The following PDIA2 variants were observed in gnomAD, a reference collection of about 807,000 sequenced individuals.
PDIA2 encodes protein disulfide-isomerase A2.
In PDIA2, 76 loss-of-function variants were observed where a neutral mutation model predicts 51.1. That is an observed-to-expected ratio of 1.49 (90% CI 1.24 to 1.80). The LOEUF is 1.80. PDIA2 is among the 40% of genes most tolerant of loss of function. The probability of loss-of-function intolerance (pLI) is 0.00; values close to 1 mark genes in which losing one functional copy is unlikely to be tolerated. For synonymous variants in PDIA2, 429 were observed against 309.9 expected (o/e 1.38, Z -4.04); for missense variants, 946 against 706.5 (o/e 1.34, Z -3.84).
intron 1 of PDIA2, among the ~76,000 whole-genome samples, chr16:283,730 T>C (rs1289193338): frequency 1.3e-5 from 2 of 152,056 alleles, no homozygotes; most frequent in African/African-American, 4.8e-5. Flanking sequence ...CCCATGGAGG[T>C]CCCTGACGTG....
At position 286,827 on chromosome 16, in the gene PDIA2, C is replaced by T. The variant is rs763144651; in HGVS notation, c.1423-8C>T. On this transcript the variant is annotated splice_region_variant and splice_polypyrimidine_tract_variant and intron_variant, in intron 9 of 10. Coordinates refer to ENST00000219406, the MANE Select transcript of PDIA2 (RefSeq NM_006849.4). Reference sequence around the variant, plus strand: ...ACGTGTCCTCCAGATCCCCCTGCCTCTTCTCAGGTGATTGAATACAAAAGC... The same window carrying T: ...ACGTGTCCTCCAGATCCCCCTGCCTTTTCTCAGGTGATTGAATACAAAAGC... 1.9e-6 allele frequency: 3 copies of T among 1,611,078 alleles called. No individual in the cohort carries two copies. The highest frequency in any genetic ancestry group is 2.2e-5 in the East Asian group (1 of 44,840).
rs1010268909 is a variant in PDIA2, at chr16:283,825, C to T, written c.199+457C>T. Among the ~76,000 whole-genome samples the T allele has an allele frequency of 2.6e-5, 4 of 152,136 alleles. No individual in the cohort carries two copies. In the East Asian group the frequency reaches 5.8e-4, roughly 22 times the overall value. On this transcript the variant is annotated intron_variant, in intron 1 of 10. Transcript: ENST00000219406. Reference sequence around the variant, plus strand: ...GCCTTCACAGGCAGCCACATGGGCCCGGGAGCCCCAGCCATACAAGGCACG... The same window carrying T: ...GCCTTCACAGGCAGCCACATGGGCCTGGGAGCCCCAGCCATACAAGGCACG...
In PDIA2 at chr16:285,497, C is replaced by G; in HGVS notation, c.922-9C>G. On this transcript the variant is annotated splice_polypyrimidine_tract_variant and intron_variant, in intron 6 of 10. Coordinates refer to ENST00000219406, the MANE Select transcript of PDIA2 (RefSeq NM_006849.4). ...AGTGGCCGGTGCCAGCATGGACTCC[C>G]TGCCACAGGTGCTGTTCGTGGTGGT... 6.2e-7 allele frequency: 1 copy of G among 1,612,698 alleles called. No individual in the cohort carries two copies. The highest frequency in any genetic ancestry group is 8.5e-7 in the Non-Finnish European group (1 of 1,179,872).
At chr16:284,824 G>A (rs1293883092) in intron 3 of PDIA2, 32 bp downstream of exon 3, 5 of 1,597,742 alleles carry the variant, frequency 3.1e-6, no homozygotes, top group Non-Finnish European at 4.3e-6. Context: ...GCCGGGCCAT[G>A]AGGGCAGTGA....
intron 1 of PDIA2, 123 bp from the exon 2 acceptor site, chr16:284,264 T>TGTCCCTGG: frequency 5.0e-6 from 5 of 1,005,750 alleles, no homozygotes; most frequent in Non-Finnish European, 7.4e-6. Flanking sequence ...GTGCTCGGCT[T>TGTCCCTGG]GTCCACGGCC....
rs1042340443 is a variant in PDIA2, at chr16:286,542, C to T, written c.1241-12C>T. ...CTGCCCAGATGGCTGTGCTCAACGG[C>T]TCCCATCCTAGATGCCCCGTGGTGC... On this transcript the variant is annotated splice_polypyrimidine_tract_variant and intron_variant, in intron 8 of 10. Transcript: ENST00000219406. The T allele has an allele frequency of 1.9e-6, 3 of 1,612,558 alleles. No homozygotes were observed. Among genetic ancestry groups the T allele is most frequent in the East Asian group, 2.2e-5 (1 of 44,780 alleles).
intron 10 of PDIA2, 32 bp downstream of exon 10, chr16:286,977 C>T: frequency 6.2e-7 from 1 of 1,609,762 alleles, no homozygotes; most frequent in Non-Finnish European, 8.5e-7. Context: ...CTCCAGGCCT[C>T]TGCACAAATC....
intron 7 of PDIA2, among the ~76,000 whole-genome samples, chr16:285,925 TCCCAAC>T (rs371090480): frequency 0.011 from 258 of 23,188 alleles, 2 homozygotes; most frequent in African/African-American, 0.05. Flanking sequence ...CCCGCGGTTC[TCCCAAC>T]CCCAACCCCA....
At position 286,917 on chromosome 16, in the gene PDIA2, C is replaced by A; in HGVS notation, c.1505C>A (p.Pro502His). ...DNGGVLPTEE[P>H]PEEPAAPFPE... ...GGGGGCGTGCTGCCCACGGAGGAGCCCCCGGAGGAGCCAGCAGCCCCGTTC... is the reference window on the plus strand; with the variant it reads ...GGGGGCGTGCTGCCCACGGAGGAGCACCCGGAGGAGCCAGCAGCCCCGTTC... Residue 502 changes from proline to histidine, a missense_variant, in exon 10 of 11, where the codon CCC (proline) becomes CAC (histidine). Physicochemically the swap from Pro to His is moderately conservative, Grantham distance 77. Transcript: ENST00000219406. The A allele has an allele frequency of 3.1e-6, 5 of 1,600,040 alleles. No homozygotes were observed. Among genetic ancestry groups the A allele is most frequent in the Non-Finnish European group, 4.3e-6 (5 of 1,175,084 alleles).
chr16:287,193 TAA>T lies in PDIA2; in HGVS notation c.*82_*83del, dbSNP rs914733168. 1.1e-4 allele frequency: 168 copies of T among 1,567,946 alleles called. No homozygotes were observed. Among genetic ancestry groups the T allele is most frequent in the Non-Finnish European group, 2.0e-5 (23 of 1,142,170 alleles). ...ACCAGAGGGAGCTGTGCATTGTGAA[TAA>T]AGAGTGAGCTTGGTTCTGGACTCTG... On this transcript the variant is annotated 3_prime_UTR_variant, in exon 11 of 11. Transcript: ENST00000219406.
At position 285,501 on chromosome 16, in the gene PDIA2, C is replaced by T. The variant is rs1165817257; in HGVS notation, c.922-5C>T. ...GCCGGTGCCAGCATGGACTCCCTGC[C>T]ACAGGTGCTGTTCGTGGTGGTGGAC... On this transcript the variant is annotated splice_polypyrimidine_tract_variant and splice_region_variant and intron_variant, in intron 6 of 10. Coordinates refer to ENST00000219406, the MANE Select transcript of PDIA2 (RefSeq NM_006849.4). 6 of 1,612,550 alleles carry T rather than the reference C, an allele frequency of 3.7e-6. No individual in the cohort carries two copies. Among genetic ancestry groups the T allele is most frequent in the South Asian group, 1.1e-5 (1 of 91,054 alleles).
chr16:285,095 G>T lies in PDIA2; in HGVS notation c.690G>T (p.Gly230=), dbSNP rs202013146. 1 of 1,613,032 alleles carries T rather than the reference G, an allele frequency of 6.2e-7. No individual in the cohort carries two copies. Among genetic ancestry groups the T allele is most frequent in the East Asian group, 2.2e-5 (1 of 44,882 alleles). ...TVVLFKKFDE[G]RADFPVDEEL... ...CTGCTGCTGTCCAGTTTGATGAGGG[G>T]CGGGCAGACTTCCCCGTGGACGAGG... The change falls in exon 5 of 11, where the codon GGG becomes GGT. Residue 230 remains glycine, a synonymous_variant. Coordinates refer to ENST00000219406, the MANE Select transcript of PDIA2 (RefSeq NM_006849.4).
rs749965703 is a variant in PDIA2 at position 284,578 on chromosome 16, C to T, written c.391C>T (p.Pro131Ser). 17 of 1,612,252 alleles carry T rather than the reference C, an allele frequency of 1.1e-5. No homozygotes were observed. In the South Asian group the frequency reaches 1.9e-4, roughly 18 times the overall value. Residue 131 changes from proline (P) to serine (S), a missense_variant, in exon 2 of 11, where the codon CCG (proline) becomes TCG (serine). Physicochemically the swap from Pro to Ser is moderately conservative, Grantham distance 74 (BLOSUM62 -1). Coordinates refer to ENST00000219406, the MANE Select transcript of PDIA2 (RefSeq NM_006849.4). ...KFFRNGNRTH[P>S]EEYTGPRDAE... ...CTTCCGCAATGGGAACCGCACGCAC[C>T]CGGAGGAGTACACAGGTGAGGGGCA...
chr16:287,027 G>C, intron 10 of PDIA2, 42 bp from the exon 11 acceptor site: 1 of 1,612,692 alleles, frequency 6.2e-7, no homozygotes, highest in East Asian at 2.2e-5. Flanking sequence ...GCAGGGGTAG[G>C]CTGGGAGCAG....
In PDIA2 at chr16:284,815, C is replaced by T. The variant is rs549645889; in HGVS notation, c.540+23C>T. 3.3e-5 allele frequency: 53 copies of T among 1,589,226 alleles called. 1 individual carries two copies. The highest frequency in any genetic ancestry group is 1.7e-4 in the Admixed American group (10 of 58,528). ...CAGGTGAGCCACTGGGCATGGGGGGCCGGGCCATGAGGGCAGTGACTGTGG... is the reference window on the plus strand; with the variant it reads ...CAGGTGAGCCACTGGGCATGGGGGGTCGGGCCATGAGGGCAGTGACTGTGG... On this transcript the variant is annotated intron_variant, in intron 3 of 10. Transcript: ENST00000219406.
At position 286,181 on chromosome 16, in the gene PDIA2, C is replaced by G. The variant is rs1322416776; in HGVS notation, c.1120-172C>G. Among the ~76,000 whole-genome samples, 216 of 34,926 alleles carry G rather than the reference C, an allele frequency of 6.2e-3. 4 individuals carry two copies. Among genetic ancestry groups the G allele is most frequent in the Non-Finnish European group, 0.011 (173 of 15,800 alleles). The allele number at this position is 34,926 out of a possible 152,430, so 22.9% of individuals were successfully genotyped here. On this transcript the variant is annotated intron_variant, in intron 7 of 10. Coordinates refer to ENST00000219406, the MANE Select transcript of PDIA2 (RefSeq NM_006849.4). ...TCAGGCCCTGCAGAGGATCTCCCCC[C>G]CACCTGCCCCCGGCCCCGCACAGGA...
At position 286,863 on chromosome 16, in the gene PDIA2, T is replaced by G. The variant is rs753512209; in HGVS notation, c.1451T>G (p.Leu484Arg). 1.2e-6 allele frequency: 2 copies of G among 1,608,576 alleles called. No homozygotes were observed. The highest frequency in any genetic ancestry group is 8.5e-7 in the Non-Finnish European group (1 of 1,178,392). ...KVIEYKSTRDLETFSKFLDNG... is the reference protein window; with the variant it reads ...KVIEYKSTRDRETFSKFLDNG... ...ATTGAATACAAAAGCACCAGGGACC[T>G]GGAGACTTTCTCCAAGTTCCTGGAC... The change falls in exon 10 of 11, where the codon CTG becomes CGG. Residue 484 changes from leucine (L) to arginine (R), a missense_variant. Physicochemically the swap from Leu to Arg is moderately radical, Grantham distance 102. Transcript: ENST00000219406.
rs751841084 is a variant in PDIA2, at chr16:284,792, G to A, written c.540G>A (p.Gln180=). 3.8e-6 allele frequency: 6 copies of A among 1,575,554 alleles called. No individual in the cohort carries two copies. The highest frequency in any genetic ancestry group is 2.6e-6 in the Non-Finnish European group (3 of 1,163,858). Residue 180 remains glutamine (Q), a splice_region_variant and synonymous_variant, in exon 3 of 11, where the codon CAG becomes CAA. Coordinates refer to ENST00000219406, the MANE Select transcript of PDIA2 (RefSeq NM_006849.4). ...GRDLVVIGFF[Q]DLQDEDVATF... is the part of the protein sequence containing the mutation. Reference sequence around the variant, plus strand: ...ACCTAGTGGTCATTGGCTTCTTCCAGGTGAGCCACTGGGCATGGGGGGCCG... The same window carrying A: ...ACCTAGTGGTCATTGGCTTCTTCCAAGTGAGCCACTGGGCATGGGGGGCCG...
Position 285,506 on chromosome 16 carries a change from G to T in PDIA2, c.922G>T (p.Val308Leu), listed in dbSNP as rs1409374785. 6.2e-7 allele frequency: 1 copy of T among 1,612,872 alleles called. No individual in the cohort carries two copies. Among genetic ancestry groups the T allele is most frequent in the East Asian group, 2.2e-5 (1 of 44,882 alleles). The change falls in exon 7 of 11, where the codon GTG (valine) becomes TTG (leucine). Residue 308 changes from valine (V) to leucine (L), a missense_variant and splice_region_variant. Val to Leu is a conservative substitution (Grantham distance 32). Coordinates refer to ENST00000219406, the MANE Select transcript of PDIA2 (RefSeq NM_006849.4). ...TGCCAGCATGGACTCCCTGCCACAG[G>T]TGCTGTTCGTGGTGGTGGACGTGGC... ...GEAAPRFRGQ[V>L]LFVVVDVAAD... is the part of the protein sequence containing the mutation.
Sources: gnomAD v4.1 joint callset for allele counts (sites outside exome capture counted in the v4.1 genomes callset) on GRCh38, gnomAD v4.1.1 for gene constraint, MANE v1.5 for transcripts, NCBI Gene and HGNC (gene_info 2026-07-23, HGNC 2026-07-21) for gene names.